Variants in DUXA observed in about 807,000 individuals in gnomAD.
DUXA encodes the protein double homeobox A.
In DUXA, 25 loss-of-function variants were observed where a neutral mutation model predicts 27.5. The observed-to-expected ratio is 0.91, with a 90% confidence interval of 0.66 to 1.27. The LOEUF is 1.27. Among genes scored for constraint, DUXA ranks in the 50% most tolerant of loss-of-function variants. The pLI is 0.00. For missense variants in DUXA, 247 were observed against 242.9 expected, an observed-to-expected ratio of 1.02 and a Z score of -0.11; for synonymous variants, 90 against 80.5, an observed-to-expected ratio of 1.12 and a Z score of -0.63.
Position 57,160,751 on chromosome 19 carries a change from T to C in DUXA, c.72A>G (p.Glu24=). ...TATTGATGAGGATTTTCAACTGTTC[T>C]TCTGTGAATTTTGTGCGACAGCGCC... ...NHRRCRTKFT[E]EQLKILINTF... The change falls in exon 2 of 6, where the codon GAA becomes GAG. Residue 24 remains glutamate, a synonymous_variant. Coordinates refer to ENST00000554048, the MANE Select transcript of DUXA (RefSeq NM_001012729.2). The C allele has an allele frequency of 6.2e-7, 1 of 1,614,218 alleles. No homozygotes were observed. The highest frequency in any genetic ancestry group is 1.7e-5 in the Admixed American group (1 of 60,028).
rs768211378 is a variant in DUXA, at chr19:57,160,768, G to A, written c.55C>T (p.Arg19Cys). 49 of 1,613,956 alleles carry A rather than the reference G, an allele frequency of 3.0e-5. No homozygotes were observed. The highest frequency in any genetic ancestry group is 3.9e-5 in the Non-Finnish European group (46 of 1,180,038). ...KMVKTNHRRC[R>C]TKFTEEQLKI... ...AACTGTTCTTCTGTGAATTTTGTGC[G>A]ACAGCGCCTATGATTTGTTTTTACC... Residue 19 changes from arginine to cysteine, a missense_variant, in exon 2 of 6, where the codon CGC becomes TGC. Coordinates refer to ENST00000554048, the MANE Select transcript of DUXA (RefSeq NM_001012729.2).
rs774485322 is a variant in DUXA at position 57,158,377 on chromosome 19, G to A, written c.389C>T (p.Ser130Phe). The A allele has an allele frequency of 1.9e-6, 3 of 1,612,826 alleles. No individual in the cohort carries two copies. The highest frequency in any genetic ancestry group is 2.5e-6 in the Non-Finnish European group (3 of 1,179,996). The change falls in exon 4 of 6, where the codon TCC (serine) becomes TTC (phenylalanine). Residue 130 changes from serine to phenylalanine, a missense_variant. By Grantham distance (155) the Ser-to-Phe change is radical. Coordinates refer to ENST00000554048, the MANE Select transcript of DUXA (RefSeq NM_001012729.2). ...FMKNPYPGID[S>F]REELAKEIGV... ...GATTTCTTTAGCAAGTTCTTCTCTGGAATCAATCCCAGGATATGGGTTTTT... is the reference window on the plus strand; with the variant it reads ...GATTTCTTTAGCAAGTTCTTCTCTGAAATCAATCCCAGGATATGGGTTTTT...
chr19:57,160,360 T>C (rs1360053259), intron 2 of DUXA, among the ~76,000 whole-genome samples: 1 of 152,240 alleles, frequency 6.6e-6, no homozygotes, highest in Non-Finnish European at 1.5e-5. Context: ...ATTTAATTGG[T>C]AAATAGCTGC....
chr19:57,154,542 GGACGTCA>G, intron 5 of DUXA, 60 bp from the exon 6 acceptor site: 1 of 1,363,186 alleles, frequency 7.3e-7, no homozygotes, highest in South Asian at 1.2e-5. Flanking sequence ...TCACAAACAT[GGACGTCA>G]GCCTTTTCCC....
chr19:57,166,806 G>A (rs1188368952), intron 1 of DUXA, among the ~76,000 whole-genome samples: 1 of 152,178 alleles, frequency 6.6e-6, no homozygotes, highest in Non-Finnish European at 1.5e-5. Flanking sequence ...CAGCCTGACT[G>A]TGTTATGGGG....
At chr19:57,160,455 C>T (rs1489721344) in intron 2 of DUXA, among the ~76,000 whole-genome samples, 188 bp downstream of exon 2, 1 of 152,234 alleles carries the variant, frequency 6.6e-6, no homozygotes. Context: ...CTCCTGTGAG[C>T]TCGCTCATCC....
chr19:57,162,392 C>G (rs1259361844), intron 1 of DUXA, among the ~76,000 whole-genome samples: 6 of 152,016 alleles, frequency 3.9e-5, no homozygotes, highest in Non-Finnish European at 8.8e-5. Flanking sequence ...TTGAAATAAC[C>G]AAATCTGGAA....
intron 4 of DUXA, 71 bp from the exon 5 acceptor site, chr19:57,155,443 C>CT (rs1274438488): frequency 4.8e-6 from 6 of 1,237,422 alleles, no homozygotes; most frequent in Non-Finnish European, 7.0e-6. Context: ...GCTTTCTTCT[C>CT]TTTTTTCTTT....
intron 4 of DUXA, among the ~76,000 whole-genome samples, chr19:57,156,160 ATT>A (rs889860071): frequency 7.3e-5 from 11 of 151,418 alleles, no homozygotes; most frequent in Non-Finnish European, 5.9e-5. Context: ...TCTGCCTGAA[ATT>A]TTTTTTTCTA....
At position 57,161,848 on chromosome 19, in the gene DUXA, A is replaced by C. The variant is rs1271876852; in HGVS notation, c.26-1051T>G. 2.0e-5 allele frequency among the ~76,000 whole-genome samples: 3 copies of C among 152,092 alleles called. No homozygotes were observed. In the East Asian group the frequency reaches 5.8e-4, roughly 29 times the overall value. On this transcript the variant is annotated intron_variant, in intron 1 of 5. Transcript: ENST00000554048. ...CAACCCCTTTCAGTTTTTCAGGTCA[A>C]AATTCCTTGGTATTTTATTTTTATT...
intron 1 of DUXA, among the ~76,000 whole-genome samples, chr19:57,164,549 T>G (rs2087041400): frequency 6.6e-6 from 1 of 152,192 alleles, no homozygotes; most frequent in South Asian, 2.1e-4. Flanking sequence ...CACTCCAGCC[T>G]GGGCAACAGG....
At chr19:57,164,863 G>T (rs976300770) in intron 1 of DUXA, among the ~76,000 whole-genome samples, 1 of 152,094 alleles carries the variant, frequency 6.6e-6, no homozygotes, top group Non-Finnish European at 1.5e-5. Context: ...AATTGTTACT[G>T]CTTAAGGACA....
Position 57,155,349 on chromosome 19 carries a change from A to AGG in DUXA, c.461_462insCC (p.Arg155LeufsTer15). On this transcript the variant is annotated frameshift_variant, in exon 5 of 6. Transcript: ENST00000554048. LOFTEE classifies it high-confidence loss of function. ...CCCTTTTTCTCTGGAGAAGTAATCT[A>AGG]GATCTTCGATTTTGGAACCAAATCT... 6.2e-7 allele frequency: 1 copy of AGG among 1,614,200 alleles called. No individual in the cohort carries two copies. Among genetic ancestry groups the AGG allele is most frequent in the South Asian group, 1.1e-5 (1 of 91,086 alleles).
chr19:57,154,539 C>G, intron 5 of DUXA, 57 bp from the exon 6 acceptor site: 4 of 1,345,006 alleles, frequency 3.0e-6, no homozygotes, highest in Non-Finnish European at 4.2e-6. Context: ...TATTCACAAA[C>G]ATGGACGTCA....
At chr19:57,163,778 A>G (rs754046351) in intron 1 of DUXA, among the ~76,000 whole-genome samples, 2 of 152,236 alleles carry the variant, frequency 1.3e-5, no homozygotes, top group African/African-American at 4.8e-5. Context: ...GTCTGAAAAC[A>G]TATCAATGAA....
At chr19:57,163,922 A>G (rs1422440481) in intron 1 of DUXA, among the ~76,000 whole-genome samples, 2 of 152,186 alleles carry the variant, frequency 1.3e-5, no homozygotes, top group Non-Finnish European at 2.9e-5. Context: ...ATCATTTAAA[A>G]TAACAGTTTA....
intron 1 of DUXA, among the ~76,000 whole-genome samples, chr19:57,165,989 TCA>T (rs1408983101): frequency 2.0e-5 from 3 of 151,328 alleles, no homozygotes; most frequent in African/African-American, 7.3e-5. Flanking sequence ...AGGGGTGAGG[TCA>T]CAGTTCTAAG....
At chr19:57,154,637 C>A (rs2086982301) in intron 5 of DUXA, among the ~76,000 whole-genome samples, 155 bp from the exon 6 acceptor site, 1 of 151,468 alleles carries the variant, frequency 6.6e-6, no homozygotes, top group Non-Finnish European at 1.5e-5. Flanking sequence ...GATCTCGGCT[C>A]ACTGCAAGCT....
intron 1 of DUXA, among the ~76,000 whole-genome samples, chr19:57,166,596 C>G (rs542785041): frequency 1.3e-5 from 2 of 152,312 alleles, no homozygotes; most frequent in South Asian, 2.1e-4. Flanking sequence ...GCGTGAGCCA[C>G]GGCGCCCGGC....
Sources: gnomAD v4.1 joint callset for allele counts (sites outside exome capture counted in the v4.1 genomes callset) on GRCh38, gnomAD v4.1.1 for gene constraint, MANE v1.5 for transcripts, NCBI Gene and HGNC (gene_info 2026-07-23, HGNC 2026-07-21) for gene names.